Variants in METTL22 observed in about 807,000 individuals in gnomAD.
The protein encoded by METTL22 is methyltransferase 22, Kin17 lysine, also known as methyltransferase-like protein 22.
Under a neutral mutation model 48.4 loss-of-function variants are expected in METTL22, and 51 were observed. The observed-to-expected ratio is 1.05, with a 90% CI of 0.84 to 1.33. The LOEUF (loss-of-function observed/expected upper bound fraction) is 1.33. Ranked by LOEUF, METTL22 falls within the 40% of genes most tolerant of loss-of-function variation. The probability of loss-of-function intolerance (pLI) is 0.00; values close to 1 mark genes in which losing one functional copy is unlikely to be tolerated. For synonymous variants in METTL22, 255 were observed against 214.1 expected (o/e 1.19, Z -1.67); for missense variants, 678 against 526.9 (o/e 1.29, Z -2.81).
chr16:8,630,489 C>A (rs2056220234), intron 3 of METTL22, among the ~76,000 whole-genome samples: 1 of 151,996 alleles, frequency 6.6e-6, no homozygotes, highest in Middle Eastern at 3.2e-3. Flanking sequence ...CATTCCACAT[C>A]ATGGGGGCAG....
At chr16:8,661,944 T>G in the METTL22 span, among the ~76,000 whole-genome samples, 1 of 144,936 alleles carries the variant, frequency 6.9e-6, no homozygotes, top group African/African-American at 2.6e-5. Flanking sequence ...GTCACAGGAC[T>G]CAGAAGTAGC....
In METTL22 at chr16:8,646,536, A is replaced by G; in HGVS notation, c.*393A>G. On this transcript the variant is annotated 3_prime_UTR_variant, in exon 11 of 11. Transcript: ENST00000381920. ...TCAGCTGTTTACAGATGGGTTGACT[A>G]CCACTGCCAGTATTGCCATCATATT... 1 of 493,944 alleles carries G rather than the reference A, an allele frequency of 2.0e-6. No homozygotes were observed. The highest frequency in any genetic ancestry group is 4.0e-6 in the Non-Finnish European group (1 of 252,160). The allele number at this position is 493,944 out of a possible 1,614,324, so 30.6% of individuals were successfully genotyped here. A position where few individuals can be genotyped will look rare whatever the true frequency, so the allele number is the denominator to read the frequency against.
At chr16:8,642,828 G>A (rs559072537) in intron 9 of METTL22, 59 of 533,046 alleles carry the variant, frequency 1.1e-4, no homozygotes, top group South Asian at 7.0e-4. Context: ...GCCAGGGCAC[G>A]GCTAGTTAGT....
intron 5 of METTL22, among the ~76,000 whole-genome samples, chr16:8,638,375 T>C (rs1641047): frequency 0.99 from 150,388 of 152,294 alleles, 74,287 homozygotes; most frequent in East Asian, 1. Context: ...ACTTTCTACA[T>C]GCACATTCTT....
intron 3 of METTL22, among the ~76,000 whole-genome samples, chr16:8,632,567 G>A (rs185823832): frequency 1.3e-3 from 198 of 152,172 alleles, no homozygotes; most frequent in Non-Finnish European, 2.2e-3. Flanking sequence ...GGCTGGTCAT[G>A]TCCCCCTTCT....
intron 1 of METTL22, chr16:8,623,558 G>T (rs955378522): frequency 6.6e-6 from 1 of 151,920 alleles, no homozygotes; most frequent in African/African-American, 2.4e-5. Context: ...CAGTCCGATT[G>T]ATTGAGTGTT....
downstream of METTL22, among the ~76,000 whole-genome samples, chr16:8,650,109 T>C (rs2056872485): frequency 6.6e-6 from 1 of 152,192 alleles, no homozygotes; most frequent in Non-Finnish European, 1.5e-5. Flanking sequence ...GAGGATTACT[T>C]GAGGACAGGA....
In METTL22 at chr16:8,644,980, G is replaced by A. The variant is rs533273924; in HGVS notation, c.1179+255G>A. On this transcript the variant is annotated intron_variant, in intron 10 of 10. Coordinates refer to ENST00000381920, the MANE Select transcript of METTL22 (RefSeq NM_024109.4). ...TTACTTTATAGCACATATTCCCCCC[G>A]TTGGACAGTTCAGACTCCAGAGGAG... 611 of 334,946 alleles carry A rather than the reference G, an allele frequency of 1.8e-3. 3 individuals carry two copies. The highest frequency in any genetic ancestry group is 0.011 in the Middle Eastern group (14 of 1,244). The allele number at this position is 334,946 out of a possible 1,614,324, so 20.7% of individuals were successfully genotyped here.
At position 8,635,300 on chromosome 16, in the gene METTL22, G is replaced by A. The variant is rs200956760; in HGVS notation, c.688G>A (p.Val230Ile). The change falls in exon 5 of 11, where the codon GTT becomes ATT. Residue 230 changes from valine (V) to isoleucine (I), a missense_variant. Transcript: ENST00000381920. ...SIIAATMART[V>I]YCTDVGADLL... ...CATCGCAGCCACCATGGCACGGACC[G>A]TTTATTGTACAGGTAATGAGGTGAC... 1.5e-4 allele frequency: 238 copies of A among 1,578,838 alleles called. 3 individuals are homozygous for A. In the East Asian group the frequency reaches 5.0e-3, roughly 33 times the overall value.
At chr16:8,627,506 CT>C (rs1367563876) in intron 2 of METTL22, among the ~76,000 whole-genome samples, 1 of 152,144 alleles carries the variant, frequency 6.6e-6, no homozygotes, top group Non-Finnish European at 1.5e-5. Flanking sequence ...CCTGTATTAG[CT>C]TGTTATGGTG....
At chr16:8,638,885 A>G (rs937720740) in intron 5 of METTL22, among the ~76,000 whole-genome samples, 1 of 152,230 alleles carries the variant, frequency 6.6e-6, no homozygotes, top group African/African-American at 2.4e-5. Context: ...TCTCCCCATC[A>G]GGAGGAGAAT....
Position 8,644,541 on chromosome 16 carries a change from A to G in METTL22, c.1011-16A>G, listed in dbSNP as rs1641065. The G allele has an allele frequency of 1, 1,526,714 of 1,530,296 alleles. 761,655 individuals are homozygous for G. The highest frequency in any genetic ancestry group is 1 in the East Asian group (41,104 of 41,104). 94.8% of individuals were successfully genotyped at this position (1,530,296 alleles called of 1,614,324 possible). A position where few individuals can be genotyped will look rare whatever the true frequency, so the allele number is the denominator to read the frequency against. The stretch of plus-strand genomic sequence containing the variant: ...TTGATGATGGCAGTTTGTGCGTCCG[A>G]CTGGCTGGTTTGCAGGCTCAACTTC... On this transcript the variant is annotated splice_polypyrimidine_tract_variant and intron_variant, in intron 9 of 10. Coordinates refer to ENST00000381920, the MANE Select transcript of METTL22 (RefSeq NM_024109.4).
In METTL22 at chr16:8,648,415, G is replaced by A. The variant is rs1043891197; in HGVS notation, c.*2272G>A. ...GGCCGAGGCGGGTGGATCACCCAAAGTCAGGAGTTCAAGACCAGCCTGGCC... is the reference window on the plus strand; with the variant it reads ...GGCCGAGGCGGGTGGATCACCCAAAATCAGGAGTTCAAGACCAGCCTGGCC... On this transcript the variant is annotated 3_prime_UTR_variant, in exon 11 of 11. Coordinates refer to ENST00000381920, the MANE Select transcript of METTL22 (RefSeq NM_024109.4). The A allele has an allele frequency of 3.9e-5, 6 of 152,180 alleles. No individual in the cohort carries two copies. The highest frequency in any genetic ancestry group is 1.4e-4 in the African/African-American group (6 of 41,398). 9.4% of individuals were successfully genotyped at this position (152,180 alleles called of 1,614,324 possible).
chr16:8,639,149 G>C lies in METTL22; in HGVS notation c.759G>C (p.Leu253=), dbSNP rs749090700. The change falls in exon 6 of 11, where the codon CTG becomes CTC. Residue 253 remains leucine (L), a synonymous_variant. Coordinates refer to ENST00000381920, the MANE Select transcript of METTL22 (RefSeq NM_024109.4). ...GAAACATTGCCCTCAACAGCCACCT[G>C]GCTGCCACTGGAGGTGAGGCCCAGG... is the stretch of plus-strand genomic sequence containing the variant. ...CQRNIALNSH[L]AATGGGIVRV... is the part of the protein sequence containing the mutation. 2 of 1,613,878 alleles carry C rather than the reference G, an allele frequency of 1.2e-6. No homozygotes were observed. The highest frequency in any genetic ancestry group is 1.1e-5 in the South Asian group (1 of 91,086).
At chr16:8,663,225 A>AT in the METTL22 span, among the ~76,000 whole-genome samples, 14,621 of 123,178 alleles carry the variant, frequency 0.12, 1,431 homozygotes, top group Non-Finnish European at 0.15. Context: ...AAAAAAAAAA[A>AT]GGTAGCCAAG....
chr16:8,660,409 C>T, the METTL22 span, among the ~76,000 whole-genome samples: 1 of 152,012 alleles, frequency 6.6e-6, no homozygotes, highest in Non-Finnish European at 1.5e-5. Context: ...GAACTCCTGA[C>T]CTCAAGTGAT....
the METTL22 span, among the ~76,000 whole-genome samples, chr16:8,666,364 C>A: frequency 6.6e-6 from 1 of 152,204 alleles, no homozygotes; most frequent in East Asian, 1.9e-4. Flanking sequence ...ACCTTATTAT[C>A]GACCCACCAA....
At chr16:8,663,819 AG>A in the METTL22 span, among the ~76,000 whole-genome samples, 1 of 152,166 alleles carries the variant, frequency 6.6e-6, no homozygotes, top group Non-Finnish European at 1.5e-5. Context: ...GAGTTACACT[AG>A]AGTGAGGTTT....
chr16:8,633,819 T>C (rs1026730739), intron 3 of METTL22, among the ~76,000 whole-genome samples: 1 of 152,246 alleles, frequency 6.6e-6, no homozygotes, highest in Non-Finnish European at 1.5e-5. Context: ...TTCTATTAAC[T>C]TTACAAACAG....
Sources: allele counts gnomAD v4.1 joint callset (sites outside exome capture counted in the v4.1 genomes callset), GRCh38; gene constraint gnomAD v4.1.1; transcripts MANE v1.5; gene names NCBI Gene and HGNC (gene_info 2026-07-23, HGNC 2026-07-21).